AGBL4: variants seen among roughly 807,000 people sequenced by gnomAD.
AGBL4 encodes the protein AGBL carboxypeptidase 4.
AGBL4 carries 58 observed loss-of-function variants against 66.4 expected under a neutral mutation model. That is an observed-to-expected ratio of 0.87 (90% CI 0.71 to 1.09). AGBL4 has a LOEUF of 1.09. Ranked by LOEUF, AGBL4 falls within the 50% of genes least tolerant of loss-of-function variation. The probability of loss-of-function intolerance (pLI) is 0.00; values close to 1 mark genes in which losing one functional copy is unlikely to be tolerated. For missense variants in AGBL4, 579 were observed against 631.0 expected (o/e 0.92, Z 0.88); for synonymous variants, 234 against 222.9 (o/e 1.05, Z -0.44).
Position 48,590,890 on chromosome 1 carries a change from G to A in AGBL4, c.1047C>T (p.Phe349=). The A allele has an allele frequency of 3.7e-6, 6 of 1,608,028 alleles. No individual in the cohort carries two copies. The highest frequency in any genetic ancestry group is 5.1e-6 in the Non-Finnish European group (6 of 1,177,370). The change falls in exon 10 of 14, where the codon TTC becomes TTT. Residue 349 remains phenylalanine (F), a synonymous_variant. Transcript: ENST00000371839. ...GCTTGGGAAAAATGGCCTGCCTCTG[G>A]AACCGTTCCTCATCCTCAAAGATGT... The part of the protein sequence containing the change: ...YGNIFEDEER[F]QRQAIFPKLL...
chr1:49,074,705 G>C (rs2147943137), intron 4 of AGBL4, among the ~76,000 whole-genome samples: 1 of 152,230 alleles, frequency 6.6e-6, no homozygotes, highest in South Asian at 2.1e-4. Flanking sequence ...AAAATAACTA[G>C]TATTTGAACC....
chr1:49,404,666 CTGAG>C (rs1245710591), intron 3 of AGBL4, among the ~76,000 whole-genome samples: 10 of 152,162 alleles, frequency 6.6e-5, no homozygotes, highest in East Asian at 3.9e-4. Context: ...GTTTAATTAA[CTGAG>C]TGTTTACAAA....
chr1:49,235,115 TTC>T (rs1215865536), intron 4 of AGBL4, among the ~76,000 whole-genome samples: 1 of 152,196 alleles, frequency 6.6e-6, no homozygotes, highest in Non-Finnish European at 1.5e-5. Context: ...AGACAAATAC[TTC>T]TCTGTCCCTT....
At chr1:48,560,036 T>C (rs987824502) in intron 11 of AGBL4, among the ~76,000 whole-genome samples, 1 of 152,156 alleles carries the variant, frequency 6.6e-6, no homozygotes, top group African/African-American at 2.4e-5. Context: ...AGGCTTAGCC[T>C]AGAAGCTACC....
chr1:49,545,432 G>A (rs554318584), intron 3 of AGBL4, among the ~76,000 whole-genome samples: 1 of 152,166 alleles, frequency 6.6e-6, no homozygotes, highest in African/African-American at 2.4e-5. Flanking sequence ...ATATTTCATT[G>A]CAGACTATAA....
intron 1 of AGBL4, among the ~76,000 whole-genome samples, chr1:49,899,837 T>A (rs1226143253): frequency 6.6e-6 from 1 of 152,102 alleles, no homozygotes. Flanking sequence ...GGTCAGCAGC[T>A]CCAGACCAGC....
rs1402012543 is a variant in AGBL4, at chr1:49,987,527, T to C, written c.34+36236A>G. On this transcript the variant is annotated intron_variant, in intron 1 of 13. Coordinates refer to ENST00000371839, the MANE Select transcript of AGBL4 (RefSeq NM_032785.4). ...ACATCTAGAAAATGTGAGGAGAAGC[T>C]ATGTAAAATAGCAACGTAACAACAA... Among the ~76,000 whole-genome samples, 4 of 152,114 alleles carry C rather than the reference T, an allele frequency of 2.6e-5. No individual in the cohort carries two copies. The East Asian group carries it at 7.7e-4, about 29-fold the overall frequency.
chr1:48,540,780 T>G (rs760866806), intron 11 of AGBL4, among the ~76,000 whole-genome samples: 2 of 152,160 alleles, frequency 1.3e-5, no homozygotes, highest in African/African-American at 2.4e-5. Context: ...ATCTTGAATG[T>G]TTTCACTTCT....
intron 3 of AGBL4, among the ~76,000 whole-genome samples, chr1:49,452,534 C>A (rs945691212): frequency 6.6e-6 from 1 of 151,866 alleles, no homozygotes; most frequent in Admixed American, 6.6e-5. Context: ...AGTCTCTTAG[C>A]ACACAGTACA....
chr1:49,683,182 A>G (rs970525805), intron 3 of AGBL4, among the ~76,000 whole-genome samples: 1 of 152,164 alleles, frequency 6.6e-6, no homozygotes, highest in African/African-American at 2.4e-5. Flanking sequence ...GTACAAATTC[A>G]GGCAAAAAAG....
chr1:49,504,560 C>T (rs1433964035), intron 3 of AGBL4, among the ~76,000 whole-genome samples: 2 of 151,998 alleles, frequency 1.3e-5, no homozygotes, highest in Admixed American at 6.6e-5. Context: ...GTTATATTCA[C>T]TTGATGAGTT....
chr1:49,216,812 A>C (rs909907199), intron 4 of AGBL4, among the ~76,000 whole-genome samples: 1 of 152,144 alleles, frequency 6.6e-6, no homozygotes, highest in Non-Finnish European at 1.5e-5. Flanking sequence ...ATCAATGTCC[A>C]TTTGAATCCA....
intron 4 of AGBL4, among the ~76,000 whole-genome samples, chr1:49,066,269 C>T (rs964378699): frequency 6.6e-6 from 1 of 152,162 alleles, no homozygotes; most frequent in Non-Finnish European, 1.5e-5. Context: ...ATGAGTCCCA[C>T]TTGGCTGGGC....
At chr1:48,615,564 T>C (rs1222480311) in intron 9 of AGBL4, among the ~76,000 whole-genome samples, 2 of 152,248 alleles carry the variant, frequency 1.3e-5, no homozygotes, top group African/African-American at 4.8e-5. Flanking sequence ...ATCACTGCTT[T>C]TAAACCCAAG....
chr1:49,186,402 A>G (rs1434214006), intron 4 of AGBL4, among the ~76,000 whole-genome samples: 6 of 152,176 alleles, frequency 3.9e-5, no homozygotes, highest in African/African-American at 1.4e-4. Flanking sequence ...TTCCATACTA[A>G]AAGTATAAAC....
intron 6 of AGBL4, among the ~76,000 whole-genome samples, chr1:48,773,788 C>T (rs1644947934): frequency 6.6e-6 from 1 of 152,138 alleles, no homozygotes; most frequent in Non-Finnish European, 1.5e-5. Flanking sequence ...CTCTGAGCTT[C>T]GGTGTCCTCA....
chr1:49,584,409 C>A (rs1426912001), intron 3 of AGBL4, among the ~76,000 whole-genome samples: 1 of 152,120 alleles, frequency 6.6e-6, no homozygotes, highest in Non-Finnish European at 1.5e-5. Flanking sequence ...CAGTATCCTT[C>A]CATTGGGGGG....
At chr1:49,877,626 T>C (rs1647059173) in intron 1 of AGBL4, among the ~76,000 whole-genome samples, 2 of 152,098 alleles carry the variant, frequency 1.3e-5, no homozygotes, top group Admixed American at 1.3e-4. Context: ...TTCTCTTTTT[T>C]GGTTGTGTCT....
intron 8 of AGBL4, among the ~76,000 whole-genome samples, chr1:48,649,572 T>G (rs1039080927): frequency 3.9e-5 from 6 of 152,246 alleles, no homozygotes; most frequent in African/African-American, 1.4e-4. Context: ...TAGAAAATGT[T>G]GCTGTTCTTT....
Sources: gnomAD v4.1 joint callset for allele counts (sites outside exome capture counted in the v4.1 genomes callset) on GRCh38, gnomAD v4.1.1 for gene constraint, MANE v1.5 for transcripts, NCBI Gene and HGNC (gene_info 2026-07-23, HGNC 2026-07-21) for gene names.